The following AGTPBP1 variants were observed in gnomAD, a reference collection of about 807,000 sequenced individuals.
AGTPBP1 encodes the protein ATP/GTP binding carboxypeptidase 1.
In AGTPBP1, 70 loss-of-function variants were observed where a neutral mutation model predicts 143.9. The observed-to-expected ratio is 0.49, with a 90% CI of 0.40 to 0.59. AGTPBP1 has a LOEUF of 0.59. Among genes scored for constraint, AGTPBP1 ranks in the 20% least tolerant of loss-of-function variants. AGTPBP1 has a pLI of 0.00. For missense variants in AGTPBP1, 1,229 were observed against 1,464.5 expected, an observed-to-expected ratio of 0.84 and a Z score of 2.62; for synonymous variants, 463 against 500.2, an observed-to-expected ratio of 0.93 and a Z score of 0.99.
At chr9:85,742,712 G>A (rs951327114), upstream of AGTPBP1, among the ~76,000 whole-genome samples, 2 of 152,210 alleles carry the variant, frequency 1.3e-5, no homozygotes, top group Non-Finnish European at 2.9e-5. Context: ...CTGAGCCAAA[G>A]TAATGTGTCA....
At chr9:85,632,587 A>G (rs1831749081) in intron 14 of AGTPBP1, 75 bp downstream of exon 14, 1 of 1,302,396 alleles carries the variant, frequency 7.7e-7, no homozygotes, top group Non-Finnish European at 1.1e-6. Flanking sequence ...CTAAATGCCC[A>G]AAGTAATTTT....
the AGTPBP1 span, among the ~76,000 whole-genome samples, chr9:85,791,211 C>G: frequency 6.6e-6 from 1 of 151,924 alleles, no homozygotes; most frequent in South Asian, 2.1e-4. Context: ...CCCATCTCTA[C>G]TAAAAATACA....
At chr9:85,582,029 C>G (rs1828295234) in intron 23 of AGTPBP1, among the ~76,000 whole-genome samples, 1 of 152,172 alleles carries the variant, frequency 6.6e-6, no homozygotes, top group Non-Finnish European at 1.5e-5. Flanking sequence ...GATACTTAAC[C>G]TGTAATAATA....
At chr9:85,694,042 G>A (rs2134287759) in intron 2 of AGTPBP1, among the ~76,000 whole-genome samples, 1 of 150,888 alleles carries the variant, frequency 6.6e-6, no homozygotes. Context: ...CAAGGTCAGA[G>A]TTGGGGGTAG....
rs946978838 is a variant in AGTPBP1, at chr9:85,555,494, G to A, written c.3504-8208C>T. Among the ~76,000 whole-genome samples the A allele has an allele frequency of 2.0e-5, 3 of 152,188 alleles. No individual in the cohort carries two copies. The East Asian group carries it at 5.8e-4, about 29-fold the overall frequency. ...GGCACCTGTAATCCCAGTTACTCAGGAGGCTGAGGCAGGAGAATCACTTGA... is the reference window on the plus strand; with the variant it reads ...GGCACCTGTAATCCCAGTTACTCAGAAGGCTGAGGCAGGAGAATCACTTGA... On this transcript the variant is annotated intron_variant, in intron 25 of 25. Transcript: ENST00000357081.
intron 11 of AGTPBP1, among the ~76,000 whole-genome samples, chr9:85,647,972 A>T (rs1386989165): frequency 6.6e-6 from 1 of 152,222 alleles, no homozygotes; most frequent in Non-Finnish European, 1.5e-5. Context: ...GGCTTAATTC[A>T]ATTTTAAGAG....
At chr9:85,639,340 C>CAT (rs1284377163) in intron 13 of AGTPBP1, among the ~76,000 whole-genome samples, 2 of 146,236 alleles carry the variant, frequency 1.4e-5, no homozygotes, top group South Asian at 2.2e-4. Flanking sequence ...TGCATGCATA[C>CAT]ATACACACAC....
At chr9:85,553,399 T>C (rs1377190847) in intron 25 of AGTPBP1, among the ~76,000 whole-genome samples, 2 of 152,246 alleles carry the variant, frequency 1.3e-5, no homozygotes, top group Non-Finnish European at 2.9e-5. Flanking sequence ...CAGTTTATTA[T>C]AAAACAGGCT....
the AGTPBP1 span, among the ~76,000 whole-genome samples, chr9:85,772,114 T>C: frequency 2.0e-5 from 3 of 151,844 alleles, no homozygotes; most frequent in Admixed American, 6.6e-5. Context: ...TAGCTAGGAT[T>C]ACAGGCGTGT....
chr9:85,656,077 T>C (rs951367107), intron 10 of AGTPBP1, among the ~76,000 whole-genome samples: 7 of 152,224 alleles, frequency 4.6e-5, no homozygotes, highest in African/African-American at 1.4e-4. Flanking sequence ...TCCGCCCGCC[T>C]TGGCCTCCCA....
intron 2 of AGTPBP1, among the ~76,000 whole-genome samples, chr9:85,695,409 A>G (rs149778843): frequency 1.3e-5 from 2 of 152,314 alleles, no homozygotes; most frequent in Non-Finnish European, 2.9e-5. Flanking sequence ...CCTTTCAGCA[A>G]ATGTGCAAGG....
chr9:85,552,677 T>C (rs919536537), intron 25 of AGTPBP1, among the ~76,000 whole-genome samples: 1 of 152,204 alleles, frequency 6.6e-6, no homozygotes, highest in African/African-American at 2.4e-5. Context: ...AAACCTACCT[T>C]GTTAAAGAAA....
At chr9:85,669,454 A>AC in intron 8 of AGTPBP1, 31 bp downstream of exon 8, 1 of 1,392,562 alleles carries the variant, frequency 7.2e-7, no homozygotes, top group Non-Finnish European at 1.0e-6. Context: ...CAAAGGCTAT[A>AC]CCTATGTTTA....
At chr9:85,609,188 T>G (rs35127847) in intron 17 of AGTPBP1, among the ~76,000 whole-genome samples, 1 of 152,174 alleles carries the variant, frequency 6.6e-6, no homozygotes, top group Admixed American at 6.5e-5. Flanking sequence ...TGAATTACTG[T>G]GTAAATATTA....
rs559687443 is a variant in AGTPBP1, at chr9:85,568,780, T to C, written c.3503+6535A>G. ...AAATCAAAAAGTTCTGGGTGATGGA[T>C]TGGGTTAAGGGTAAGCGAGAGGAAA... On this transcript the variant is annotated intron_variant, in intron 25 of 25. Coordinates refer to ENST00000357081, the MANE Select transcript of AGTPBP1 (RefSeq NM_001330701.2). 1.9e-4 allele frequency among the ~76,000 whole-genome samples: 29 copies of C among 152,084 alleles called. 1 individual carries two copies. The highest frequency in any genetic ancestry group is 5.8e-4 in the African/African-American group (24 of 41,480).
At chr9:85,655,544 T>G (rs980641199) in intron 10 of AGTPBP1, among the ~76,000 whole-genome samples, 1 of 152,116 alleles carries the variant, frequency 6.6e-6, no homozygotes, top group Non-Finnish European at 1.5e-5. Flanking sequence ...TTTCCTTAAA[T>G]ATTTTCACTA....
intron 25 of AGTPBP1, among the ~76,000 whole-genome samples, chr9:85,572,957 A>G (rs1445553237): frequency 6.6e-6 from 1 of 152,194 alleles, no homozygotes; most frequent in African/African-American, 2.4e-5. Flanking sequence ...ACAAGTTAAT[A>G]CCTAACAACA....
the AGTPBP1 span, among the ~76,000 whole-genome samples, chr9:85,779,835 C>G: frequency 6.6e-6 from 1 of 152,102 alleles, no homozygotes; most frequent in Admixed American, 6.6e-5. Context: ...ACACTCTACC[C>G]TGGGCAACAG....
At chr9:85,575,172 GAACA>G (rs1827816215) in intron 25 of AGTPBP1, 139 bp downstream of exon 25, 1 of 516,124 alleles carries the variant, frequency 1.9e-6, no homozygotes, top group Non-Finnish European at 3.2e-6. Context: ...ATATAAATTG[GAACA>G]AATATTTGAT....
Sources: gnomAD v4.1 joint callset for allele counts (sites outside exome capture counted in the v4.1 genomes callset) on GRCh38, gnomAD v4.1.1 for gene constraint, MANE v1.5 for transcripts, NCBI Gene and HGNC (gene_info 2026-07-23, HGNC 2026-07-21) for gene names.